ANKRD28: variants seen among roughly 807,000 people sequenced by gnomAD.
The protein encoded by ANKRD28 is ankyrin repeat domain 28.
In ANKRD28, 44 loss-of-function variants were observed where a neutral mutation model predicts 126.5. That is an observed-to-expected ratio of 0.35 (90% CI 0.27 to 0.45). The LOEUF is 0.45. ANKRD28 is among the 20% of genes least tolerant of loss of function. ANKRD28 has a pLI of 1.00. For synonymous variants in ANKRD28, 442 were observed against 468.5 expected (o/e 0.94, Z 0.73); for missense variants, 1,110 against 1,316.6 (o/e 0.84, Z 2.43).
chr3:15,685,077 G>A (rs1038692513), intron 21 of ANKRD28, 149 bp downstream of exon 21: 22 of 716,700 alleles, frequency 3.1e-5, no homozygotes, highest in African/African-American at 1.4e-4. Context: ...GTGAGCCTAC[G>A]TACTAAGTAT....
At chr3:15,818,410 C>T (rs927040193) in intron 1 of ANKRD28, among the ~76,000 whole-genome samples, 2 of 152,172 alleles carry the variant, frequency 1.3e-5, no homozygotes, top group Non-Finnish European at 2.9e-5. Flanking sequence ...TTGGGTTACA[C>T]GTATAAGATG....
At position 15,850,364 on chromosome 3, in the gene ANKRD28, G is replaced by A. The variant is rs527874260; in HGVS notation, c.27+9013C>T. Among the ~76,000 whole-genome samples, 12 of 151,500 alleles carry A rather than the reference G, an allele frequency of 7.9e-5. No individual in the cohort carries two copies. The South Asian group carries it at 2.1e-3, about 26-fold the overall frequency. ...CTTTTCCTTATATTAGCTCCCTAGG[G>A]CTAACAAATGACCATAACAGATAAC... is the stretch of plus-strand genomic sequence containing the variant. On this transcript the variant is annotated intron_variant, in intron 1 of 27. Coordinates refer to the ANKRD28 transcript ENST00000399451.
chr3:15,750,221 C>T (rs2057774304), intron 4 of ANKRD28, among the ~76,000 whole-genome samples: 1 of 151,990 alleles, frequency 6.6e-6, no homozygotes, highest in African/African-American at 2.4e-5. Context: ...AGCCATAATC[C>T]CAAGAATCTT....
intron 4 of ANKRD28, among the ~76,000 whole-genome samples, chr3:15,750,805 G>A (rs2057810891): frequency 6.6e-6 from 1 of 152,132 alleles, no homozygotes; most frequent in African/African-American, 2.4e-5. Flanking sequence ...ATGATGGACA[G>A]AAGAAGCAGT....
intron 27 of ANKRD28, among the ~76,000 whole-genome samples, chr3:15,672,236 T>TG (rs2066448187): frequency 6.6e-6 from 1 of 151,740 alleles, no homozygotes; most frequent in African/African-American, 2.4e-5. Context: ...CCTCAACCTC[T>TG]GGGCTCAAGT....
In ANKRD28 at chr3:15,823,409, A is replaced by T. The variant is rs530764760; in HGVS notation, c.28-28103T>A. Among the ~76,000 whole-genome samples the T allele has an allele frequency of 2.7e-3, 405 of 152,336 alleles. 3 individuals carry two copies. The highest frequency in any genetic ancestry group is 0.01 in the Middle Eastern group (3 of 292). On this transcript the variant is annotated intron_variant, in intron 1 of 27. Coordinates refer to the ANKRD28 transcript ENST00000399451. ...AACAAATAAAGAGATTGAATAAAGA[A>T]TTAAAACCTCCCAACAAAGAAATGC...
At chr3:15,738,847 T>A (rs1201384569) in intron 4 of ANKRD28, 2 of 152,196 alleles carry the variant, frequency 1.3e-5, no homozygotes, top group African/African-American at 4.8e-5. Context: ...GACTGGGGCT[T>A]ATTTCATCCC....
chr3:15,713,326 C>A lies in ANKRD28; in HGVS notation c.1190+201G>T, dbSNP rs947371814. ...AGTGAGAAAGAACTGGGGTAACATA[C>A]ATAAAAATACACTGGCTTACCAAAT... On this transcript the variant is annotated intron_variant, in intron 10 of 27. Transcript: ENST00000683139. Among the ~76,000 whole-genome samples, 18 of 152,272 alleles carry A rather than the reference C, an allele frequency of 1.2e-4. 2 individuals are homozygous for A. The South Asian group carries it at 3.3e-3, about 28-fold the overall frequency.
intron 2 of ANKRD28, among the ~76,000 whole-genome samples, chr3:15,777,959 A>G (rs2059376029): frequency 6.6e-6 from 1 of 152,026 alleles, no homozygotes; most frequent in East Asian, 1.9e-4. Flanking sequence ...ATACCTTTAG[A>G]TCATAAACTT....
At chr3:15,757,851 T>G (rs1320007703) in intron 3 of ANKRD28, among the ~76,000 whole-genome samples, 7 of 152,180 alleles carry the variant, frequency 4.6e-5, no homozygotes, top group Admixed American at 3.3e-4. Flanking sequence ...CAAACTACTA[T>G]CCACAGGCTT....
chr3:15,766,366 T>C, intron 2 of ANKRD28, 54 bp from the exon 3 acceptor site: 1 of 1,254,916 alleles, frequency 8.0e-7, no homozygotes, highest in South Asian at 1.3e-5. Context: ...TTAATTTTAA[T>C]AATAGTTTTA....
At chr3:15,721,756 T>G (rs928415866) in intron 7 of ANKRD28, among the ~76,000 whole-genome samples, 1 of 152,144 alleles carries the variant, frequency 6.6e-6, no homozygotes, top group Non-Finnish European at 1.5e-5. Flanking sequence ...TTGCTTTTCT[T>G]TTTTTTGAGA....
At chr3:15,850,213 A>G (rs1229432946) in intron 1 of ANKRD28, among the ~76,000 whole-genome samples, 2 of 79,594 alleles carry the variant, frequency 2.5e-5, no homozygotes. Context: ...AAATATATAT[A>G]TATATATATA....
At chr3:15,760,676 A>G (rs2058412055) in intron 3 of ANKRD28, among the ~76,000 whole-genome samples, 1 of 152,228 alleles carries the variant, frequency 6.6e-6, no homozygotes, top group Non-Finnish European at 1.5e-5. Flanking sequence ...AAGTTACAAG[A>G]AAGAGATAAG....
intron 14 of ANKRD28, among the ~76,000 whole-genome samples, chr3:15,703,424 G>A (rs2070906399): frequency 6.6e-6 from 1 of 152,218 alleles, no homozygotes; most frequent in Non-Finnish European, 1.5e-5. Flanking sequence ...CCTTTAGGAG[G>A]TGATTAGGTC....
At chr3:15,758,263 C>T (rs116338337) in intron 3 of ANKRD28, among the ~76,000 whole-genome samples, 105 of 152,326 alleles carry the variant, frequency 6.9e-4, no homozygotes, top group African/African-American at 2.4e-3. Flanking sequence ...GGAAATAATG[C>T]TTTTCTTTGG....
intron 2 of ANKRD28, among the ~76,000 whole-genome samples, chr3:15,769,828 T>C (rs752109422): frequency 1.3e-5 from 2 of 152,078 alleles, no homozygotes; most frequent in East Asian, 1.9e-4. Flanking sequence ...GCTGAGACAA[T>C]TGGAAACACT....
intron 1 of ANKRD28, among the ~76,000 whole-genome samples, chr3:15,834,148 T>C (rs1310957655): frequency 1.3e-5 from 2 of 152,184 alleles, no homozygotes; most frequent in African/African-American, 4.8e-5. Context: ...TAGACCAATG[T>C]CCAGAATTTT....
intron 21 of ANKRD28, chr3:15,684,202 G>A (rs533648771): frequency 2.1e-4 from 32 of 152,286 alleles, no homozygotes; most frequent in African/African-American, 7.2e-4. Flanking sequence ...ATCTCAACAT[G>A]CTTCATTGCA....
Sources: gnomAD v4.1 joint callset for allele counts (sites outside exome capture counted in the v4.1 genomes callset) on GRCh38, gnomAD v4.1.1 for gene constraint, MANE v1.5 for transcripts, NCBI Gene and HGNC (gene_info 2026-07-23, HGNC 2026-07-21) for gene names.